The following KCND2 variants were observed in gnomAD, a reference collection of about 807,000 sequenced individuals.
The protein encoded by KCND2 is A-type voltage-gated potassium channel KCND2.
In KCND2, 16 loss-of-function variants were observed where a neutral mutation model predicts 54.4. That is an observed-to-expected ratio of 0.29 (90% CI 0.20 to 0.45). KCND2 has a LOEUF of 0.45. Ranked by LOEUF, KCND2 falls within the 20% of genes least tolerant of loss-of-function variation. The pLI is 1.00. For synonymous variants in KCND2, 317 were observed against 310.7 expected, an observed-to-expected ratio of 1.02 and a Z score of -0.21; for missense variants, 486 against 824.2, an observed-to-expected ratio of 0.59 and a Z score of 5.02.
intron 1 of KCND2, among the ~76,000 whole-genome samples, chr7:120,688,914 T>C (rs1166976789): frequency 6.6e-6 from 1 of 152,206 alleles, no homozygotes; most frequent in Non-Finnish European, 1.5e-5. Flanking sequence ...CCTTACCTCA[T>C]GGATGCCAGT....
At chr7:120,354,636 T>A (rs1245511681) in intron 1 of KCND2, among the ~76,000 whole-genome samples, 17 of 152,146 alleles carry the variant, frequency 1.1e-4, no homozygotes, top group Admixed American at 1.0e-3. Flanking sequence ...TGGTCTTAAC[T>A]ACTTGAGGGG....
At chr7:120,561,829 C>G (rs1045439656) in intron 1 of KCND2, among the ~76,000 whole-genome samples, 1 of 151,840 alleles carries the variant, frequency 6.6e-6, no homozygotes, top group Non-Finnish European at 1.5e-5. Context: ...TCAGGCTGGC[C>G]GCGAACTCCT....
chr7:120,349,863 A>G (rs1800376637), intron 1 of KCND2, among the ~76,000 whole-genome samples: 1 of 152,104 alleles, frequency 6.6e-6, no homozygotes, highest in Middle Eastern at 3.2e-3. Context: ...CTGCAGATGT[A>G]ATAAGAACAA....
intron 1 of KCND2, among the ~76,000 whole-genome samples, chr7:120,450,412 AAG>A (rs1802085413): frequency 6.6e-6 from 1 of 152,174 alleles, no homozygotes; most frequent in Non-Finnish European, 1.5e-5. Flanking sequence ...CGTCTAAAAA[AAG>A]AAAAAAATTA....
chr7:120,429,232 T>C (rs892445320), intron 1 of KCND2, among the ~76,000 whole-genome samples: 3 of 152,208 alleles, frequency 2.0e-5, no homozygotes, highest in Admixed American at 1.3e-4. Context: ...TTGACCTTTT[T>C]ACTGATGGTG....
At chr7:120,278,891 A>C (rs1158324509) in intron 1 of KCND2, among the ~76,000 whole-genome samples, 2 of 151,916 alleles carry the variant, frequency 1.3e-5, no homozygotes, top group Non-Finnish European at 2.9e-5. Flanking sequence ...GTTTAGATTG[A>C]GTAATCAGGT....
chr7:120,397,461 CT>C (rs1216217418), intron 1 of KCND2, among the ~76,000 whole-genome samples: 1 of 151,934 alleles, frequency 6.6e-6, no homozygotes. Context: ...TTTCTTTATT[CT>C]GCATGTATGA....
At chr7:120,699,573 G>A (rs1003390423) in intron 1 of KCND2, among the ~76,000 whole-genome samples, 2 of 152,158 alleles carry the variant, frequency 1.3e-5, no homozygotes, top group East Asian at 3.9e-4. Context: ...TAGGAGGACA[G>A]GAGAGAAAAA....
Position 120,733,016 on chromosome 7 carries a change from G to A in KCND2, c.1229G>A (p.Ser410Asn). ...LPVPVIVSNF[S>N]RIYHQNQRAD... ...GTTCCGGTGATTGTATCCAACTTCAGTCGCATCTACCACCAGAATCAACGA... is the reference window on the plus strand; with the variant it reads ...GTTCCGGTGATTGTATCCAACTTCAATCGCATCTACCACCAGAATCAACGA... Residue 410 changes from serine to asparagine, a missense_variant, in exon 2 of 6, where the codon AGT becomes AAT. Ser to Asn is a conservative substitution (Grantham distance 46, BLOSUM62 1). Around this residue, in one of 7 missense-constraint regions of KCND2, gnomAD observed 11 missense variants for 21.4 expected, o/e 0.51. Coordinates refer to ENST00000331113, the MANE Select transcript of KCND2 (RefSeq NM_012281.3). 1.2e-6 allele frequency: 2 copies of A among 1,613,618 alleles called. No individual in the cohort carries two copies. Among genetic ancestry groups the A allele is most frequent in the Non-Finnish European group, 1.7e-6 (2 of 1,179,750 alleles).
intron 1 of KCND2, among the ~76,000 whole-genome samples, chr7:120,350,373 T>G (rs928973116): frequency 1.3e-5 from 2 of 152,150 alleles, no homozygotes; most frequent in Non-Finnish European, 2.9e-5. Flanking sequence ...TTATGCCTTA[T>G]AATAAAGTGT....
chr7:120,693,059 A>G (rs947798167), intron 1 of KCND2, among the ~76,000 whole-genome samples: 1 of 152,208 alleles, frequency 6.6e-6, no homozygotes, highest in Non-Finnish European at 1.5e-5. Context: ...AGAAACAAGA[A>G]GTAGAATTAT....
chr7:120,510,879 C>T lies in KCND2; in HGVS notation c.1116-222024C>T, dbSNP rs1355418435. 3.9e-5 allele frequency among the ~76,000 whole-genome samples: 6 copies of T among 151,974 alleles called. 1 individual carries two copies. The highest frequency in any genetic ancestry group is 3.3e-4 in the Admixed American group (5 of 15,254). Reference sequence around the variant, plus strand: ...CCCAACCCCTGGCCACCTCCCCTGCCCCATGAGTCTTTGAAATCCAAAGCC... The same window carrying T: ...CCCAACCCCTGGCCACCTCCCCTGCTCCATGAGTCTTTGAAATCCAAAGCC... On this transcript the variant is annotated intron_variant, in intron 1 of 5. Transcript: ENST00000331113.
chr7:120,350,509 G>A (rs1010233040), intron 1 of KCND2, among the ~76,000 whole-genome samples: 3 of 152,040 alleles, frequency 2.0e-5, no homozygotes, highest in African/African-American at 7.2e-5. Context: ...CTTTAACAGT[G>A]CACTAATGGA....
chr7:120,676,305 T>A (rs1248534443), intron 1 of KCND2, among the ~76,000 whole-genome samples: 1 of 152,332 alleles, frequency 6.6e-6, no homozygotes, highest in Middle Eastern at 3.4e-3. Context: ...TCCTTTTTAT[T>A]TTTGCAATTA....
chr7:120,504,964 A>G (rs1277894070), intron 1 of KCND2, among the ~76,000 whole-genome samples: 1 of 151,700 alleles, frequency 6.6e-6, no homozygotes, highest in Non-Finnish European at 1.5e-5. Context: ...TGTTGCACTT[A>G]CAAAATATAA....
At chr7:120,742,908 T>A (rs1259015162) in intron 4 of KCND2, among the ~76,000 whole-genome samples, 3 of 152,150 alleles carry the variant, frequency 2.0e-5, no homozygotes, top group African/African-American at 7.2e-5. Context: ...CTACACAATA[T>A]CATTTTCTGT....
intron 1 of KCND2, among the ~76,000 whole-genome samples, chr7:120,642,576 A>AT (rs1562896485): frequency 3.3e-5 from 5 of 149,676 alleles, no homozygotes; most frequent in African/African-American, 9.8e-5. Context: ...AAATAAAAAA[A>AT]AATATATATA....
intron 1 of KCND2, among the ~76,000 whole-genome samples, chr7:120,531,690 GC>G (rs1406659462): frequency 1.3e-5 from 2 of 152,042 alleles, no homozygotes; most frequent in African/African-American, 2.4e-5. Flanking sequence ...GCTCATACCA[GC>G]GGTCAGTTCT....
chr7:120,284,478 G>T (rs961726146), intron 1 of KCND2, among the ~76,000 whole-genome samples: 2 of 152,068 alleles, frequency 1.3e-5, no homozygotes, highest in African/African-American at 4.8e-5. Context: ...ATCAAATGAG[G>T]TGTTTTTGTA....
Sources: gnomAD v4.1 joint callset for allele counts (sites outside exome capture counted in the v4.1 genomes callset) on GRCh38, gnomAD v4.1.1 for gene constraint, gnomAD v4.1.1 regional missense constraint, MANE v1.5 for transcripts, NCBI Gene and HGNC (gene_info 2026-07-23, HGNC 2026-07-21) for gene names.